CORO2B: variants seen among roughly 807,000 people sequenced by gnomAD.
CORO2B encodes coronin-2B.
Under a neutral mutation model 58.8 loss-of-function variants are expected in CORO2B, and 26 were observed. The ratio of observed to expected loss-of-function variants is 0.44; its 90% CI spans 0.32 to 0.61. The LOEUF (loss-of-function observed/expected upper bound fraction) is 0.61, where lower values mean the gene tolerates loss of function less well. Among genes scored for constraint, CORO2B ranks in the 20% least tolerant of loss-of-function variants. The pLI, the probability that CORO2B is intolerant of heterozygous loss-of-function variation, is 0.04. For missense variants in CORO2B, 460 were observed against 645.1 expected (o/e 0.71, Z 3.11); for synonymous variants, 242 against 253.8 (o/e 0.95, Z 0.44).
At chr15:68,668,747 G>A (rs1410591714) in intron 2 of CORO2B, among the ~76,000 whole-genome samples, 2 of 152,138 alleles carry the variant, frequency 1.3e-5, no homozygotes, top group African/African-American at 2.4e-5. Flanking sequence ...TCTCACTTGA[G>A]CTAAACAAAG....
intron 1 of CORO2B, among the ~76,000 whole-genome samples, chr15:68,621,878 T>G (rs2140252392): frequency 6.6e-6 from 1 of 151,238 alleles, no homozygotes; most frequent in Admixed American, 6.6e-5. Context: ...CACCTCAGCC[T>G]CCCAAGGAGC....
intron 1 of CORO2B, among the ~76,000 whole-genome samples, chr15:68,620,785 A>G (rs1900494141): frequency 1.3e-5 from 2 of 152,190 alleles, no homozygotes; most frequent in Admixed American, 1.3e-4. Flanking sequence ...TCACTCAGCC[A>G]GCTGAGGCAG....
intron 1 of CORO2B, among the ~76,000 whole-genome samples, chr15:68,615,522 T>C (rs1595969420): frequency 6.6e-6 from 1 of 152,230 alleles, no homozygotes; most frequent in African/African-American, 2.4e-5. Flanking sequence ...TGAAAAATGT[T>C]TGTGTTCTTC....
intron 1 of CORO2B, among the ~76,000 whole-genome samples, chr15:68,642,076 G>A (rs1301429705): frequency 8.4e-6 from 1 of 118,804 alleles, no homozygotes; most frequent in Non-Finnish European, 1.6e-5. Flanking sequence ...TCATTCTGTT[G>A]CCCAAGCTGG....
chr15:68,622,850 C>T (rs1351245256), intron 1 of CORO2B, among the ~76,000 whole-genome samples: 2 of 152,222 alleles, frequency 1.3e-5, no homozygotes, highest in African/African-American at 4.8e-5. Context: ...GAATGATTCT[C>T]ATTGAACAGA....
intron 2 of CORO2B, among the ~76,000 whole-genome samples, chr15:68,657,636 ACT>A (rs1901857597): frequency 6.6e-6 from 1 of 152,022 alleles, no homozygotes; most frequent in African/African-American, 2.4e-5. Flanking sequence ...CACAGTAACG[ACT>A]CTAATTTCAA....
Position 68,645,049 on chromosome 15 carries a change from C to A in CORO2B, c.16-111C>A. The A allele has an allele frequency of 9.1e-7, 1 of 1,096,584 alleles. No homozygotes were observed. Among genetic ancestry groups the A allele is most frequent in the Non-Finnish European group, 1.3e-6 (1 of 762,264 alleles). The allele number at this position is 1,096,584 out of a possible 1,614,324, so 67.9% of individuals were successfully genotyped here. On this transcript the variant is annotated intron_variant, in intron 1 of 11. Transcript: ENST00000261861. This position sits in a 1 kb window ranked among gnomAD's most constrained non-coding sequence, Gnocchi z 4.5. ...CTCTTCCTGACAGGGGACCCAGGGC[C>A]TGCTCACCTGCTGCACCTCTGAGCC...
the CORO2B span, among the ~76,000 whole-genome samples, chr15:68,538,271 C>A: frequency 6.6e-6 from 1 of 152,156 alleles, no homozygotes; most frequent in Non-Finnish European, 1.5e-5. Context: ...ATAGCCACAG[C>A]TTTCCAGGAG....
chr15:68,650,885 A>T (rs182834956), intron 2 of CORO2B, among the ~76,000 whole-genome samples: 2 of 152,272 alleles, frequency 1.3e-5, no homozygotes, highest in Admixed American at 1.3e-4. Context: ...CTGGGTAAAG[A>T]CGAGGGGCCC....
chr15:68,692,678 G>C (rs1892410773), intron 2 of CORO2B, among the ~76,000 whole-genome samples: 1 of 146,764 alleles, frequency 6.8e-6, no homozygotes, highest in Admixed American at 6.9e-5. Flanking sequence ...CTGTCGCCCA[G>C]ACTGGAGTGC....
At chr15:68,566,910 G>T in the CORO2B span, among the ~76,000 whole-genome samples, 1 of 152,188 alleles carries the variant, frequency 6.6e-6, no homozygotes, top group Non-Finnish European at 1.5e-5. Flanking sequence ...CCTTACAGCA[G>T]CTCAAGCACC....
At position 68,714,038 on chromosome 15, in the gene CORO2B, C is replaced by T. The variant is rs555909560; in HGVS notation, c.762C>T (p.Asp254=). ...ACACAAGACAGATTGCCCTCTGGGA[C>T]CAGGTCAGCCACGGGGAGGCCTGCT... is the stretch of plus-strand genomic sequence containing the variant. ...RWNTRQIALW[D]QEDLSMPLIE... is the part of the protein sequence containing the mutation. The change falls in exon 6 of 12, where the codon GAC becomes GAT. Residue 254 remains aspartate (D), a synonymous_variant. Transcript: ENST00000261861. 6.2e-7 allele frequency: 1 copy of T among 1,608,610 alleles called. No individual in the cohort carries two copies. Among genetic ancestry groups the T allele is most frequent in the Non-Finnish European group, 8.5e-7 (1 of 1,175,164 alleles).
the CORO2B span, among the ~76,000 whole-genome samples, chr15:68,565,934 T>C: frequency 1.3e-5 from 2 of 152,142 alleles, no homozygotes; most frequent in African/African-American, 4.8e-5. Flanking sequence ...CAGACCAGGG[T>C]GAGAGCAGAA....
At chr15:68,566,180 G>A in the CORO2B span, among the ~76,000 whole-genome samples, 1 of 152,172 alleles carries the variant, frequency 6.6e-6, no homozygotes, top group Non-Finnish European at 1.5e-5. Flanking sequence ...TAACATGGTA[G>A]GGTCCTGTTA....
intron 2 of CORO2B, among the ~76,000 whole-genome samples, chr15:68,678,933 G>A (rs1902677977): frequency 6.6e-6 from 1 of 152,252 alleles, no homozygotes; most frequent in Non-Finnish European, 1.5e-5. Flanking sequence ...GCTGTACTCA[G>A]GGTGTGTTCC....
upstream of CORO2B, among the ~76,000 whole-genome samples, chr15:68,574,794 A>G (rs1899247563): frequency 6.6e-6 from 1 of 152,216 alleles, no homozygotes; most frequent in South Asian, 2.1e-4. Flanking sequence ...GACCATGGAT[A>G]CAGCGCCAGG....
chr15:68,699,101 G>C (rs1892581421), intron 3 of CORO2B, among the ~76,000 whole-genome samples: 1 of 152,186 alleles, frequency 6.6e-6, no homozygotes, highest in African/African-American at 2.4e-5. Flanking sequence ...TTGGCCTGGA[G>C]AGAATGCATA....
At chr15:68,632,000 G>A (rs2140260744) in intron 1 of CORO2B, 1 of 985,450 alleles carries the variant, frequency 1.0e-6, no homozygotes, top group East Asian at 1.1e-4. Context: ...AGATTCTGTT[G>A]ACCTTTAGTA....
chr15:68,602,414 C>A (rs1202998735), intron 1 of CORO2B, among the ~76,000 whole-genome samples: 1 of 144,208 alleles, frequency 6.9e-6, no homozygotes, highest in Non-Finnish European at 1.5e-5. Context: ...TGATCACACA[C>A]ACACACACAC....
Sources: allele counts gnomAD v4.1 joint callset (sites outside exome capture counted in the v4.1 genomes callset), GRCh38; gene constraint gnomAD v4.1.1; non-coding constraint Gnocchi (gnomAD v3.1); transcripts MANE v1.5; gene names NCBI Gene and HGNC (gene_info 2026-07-23, HGNC 2026-07-21).